LRRC7: variants seen among roughly 807,000 people sequenced by gnomAD.
LRRC7 encodes leucine rich repeat containing 7.
A neutral mutation model predicts 175.7 loss-of-function variants in LRRC7; 23 were observed. The ratio of observed to expected loss-of-function variants is 0.13; its 90% CI spans 0.09 to 0.19. The LOEUF is 0.19. Ranked by LOEUF, LRRC7 falls within the 10% of genes least tolerant of loss-of-function variation. The probability of loss-of-function intolerance (pLI) is 1.00; values close to 1 mark genes in which losing one functional copy is unlikely to be tolerated. For synonymous variants in LRRC7, 685 were observed against 680.9 expected (o/e 1.01, Z -0.09); for missense variants, 1,354 against 1,904.7 (o/e 0.71, Z 5.38).
chr1:70,068,682 G>A (rs1662156499), intron 23 of LRRC7, among the ~76,000 whole-genome samples: 1 of 151,782 alleles, frequency 6.6e-6, no homozygotes. Flanking sequence ...TCTCTCTTCT[G>A]TTTTCTGAAA....
At chr1:69,977,345 T>C (rs1652922468) in intron 8 of LRRC7, among the ~76,000 whole-genome samples, 2 of 152,230 alleles carry the variant, frequency 1.3e-5, no homozygotes, top group African/African-American at 4.8e-5. Flanking sequence ...CCGTCACTTA[T>C]GCAACAAAGT....
At chr1:69,914,369 A>C (rs1913275) in intron 7 of LRRC7, among the ~76,000 whole-genome samples, 54,870 of 152,066 alleles carry the variant, frequency 0.36, 12,129 homozygotes, top group East Asian at 0.55. Context: ...CAGATGTACC[A>C]AAATATTGCA....
chr1:69,794,999 T>C (rs2101070734), intron 4 of LRRC7, among the ~76,000 whole-genome samples: 1 of 152,306 alleles, frequency 6.6e-6, no homozygotes, highest in East Asian at 1.9e-4. Flanking sequence ...TACTATAGGC[T>C]TGATGAGTAT....
At chr1:69,659,627 G>A (rs941849947) in intron 1 of LRRC7, among the ~76,000 whole-genome samples, 16 of 151,662 alleles carry the variant, frequency 1.1e-4, no homozygotes, top group African/African-American at 3.9e-4. Flanking sequence ...TTCTCATCTA[G>A]CAAAGACATT....
intron 2 of LRRC7, among the ~76,000 whole-genome samples, chr1:69,729,870 T>C (rs1441665268): frequency 6.6e-6 from 1 of 152,240 alleles, no homozygotes; most frequent in Non-Finnish European, 1.5e-5. Flanking sequence ...ATGAGGGCTC[T>C]GCCCCTGCAG....
Position 69,622,390 on chromosome 1 carries a change from T to C in LRRC7, c.2+53749T>C, listed in dbSNP as rs186823461. On this transcript the variant is annotated intron_variant, in intron 1 of 26. Transcript: ENST00000651989. ...TCAGACCATTTCCTACATGCTAATC[T>C]ATTGAGAAAAGTCATGAAAAGATGA... 4.5e-3 allele frequency among the ~76,000 whole-genome samples: 687 copies of C among 152,320 alleles called. 4 individuals are homozygous for C. Among genetic ancestry groups the C allele is most frequent in the Non-Finnish European group, 7.9e-3 (537 of 68,030 alleles).
At chr1:69,987,557 A>G (rs12026558) in intron 10 of LRRC7, among the ~76,000 whole-genome samples, 25,790 of 152,148 alleles carry the variant, frequency 0.17, 3,617 homozygotes, top group African/African-American at 0.39. Context: ...GACTTGCCAT[A>G]GTTTTCCACA....
At chr1:69,731,024 G>A (rs932291358) in intron 2 of LRRC7, among the ~76,000 whole-genome samples, 23 of 152,008 alleles carry the variant, frequency 1.5e-4, no homozygotes, top group African/African-American at 4.3e-4. Context: ...GATCTCGGCC[G>A]GGTGCAGTGG....
intron 2 of LRRC7, among the ~76,000 whole-genome samples, chr1:69,692,909 A>G (rs961836315): frequency 1.3e-5 from 2 of 152,132 alleles, no homozygotes; most frequent in Admixed American, 6.5e-5. Flanking sequence ...AGCCCTCCCT[A>G]ATGTGGGTGG....
At chr1:70,094,544 A>G (rs1017250315) in intron 25 of LRRC7, among the ~76,000 whole-genome samples, 2 of 152,200 alleles carry the variant, frequency 1.3e-5, no homozygotes, top group South Asian at 2.1e-4. Flanking sequence ...AATTATTTAC[A>G]TTACATTTAA....
At chr1:69,811,170 A>C (rs1307311442) in intron 4 of LRRC7, among the ~76,000 whole-genome samples, 3 of 152,154 alleles carry the variant, frequency 2.0e-5, no homozygotes, top group African/African-American at 7.2e-5. Context: ...TATGAAAAAA[A>C]GCTCATCATC....
At chr1:69,852,765 TC>T (rs976797758) in intron 7 of LRRC7, among the ~76,000 whole-genome samples, 6 of 152,182 alleles carry the variant, frequency 3.9e-5, no homozygotes, top group African/African-American at 1.4e-4. Flanking sequence ...AGGTGATGTT[TC>T]CTTATAGGAA....
chr1:69,931,655 C>T (rs1227929450), intron 8 of LRRC7, 85 bp downstream of exon 8: 1 of 1,054,406 alleles, frequency 9.5e-7, no homozygotes, highest in Non-Finnish European at 1.4e-6. Flanking sequence ...AAGGTATTAA[C>T]TTGATTGCAC....
In LRRC7 at chr1:69,757,696, T is replaced by C. The variant is rs369660779; in HGVS notation, c.101-2495T>C. 3.9e-4 allele frequency among the ~76,000 whole-genome samples: 59 copies of C among 152,064 alleles called. No individual in the cohort carries two copies. In the East Asian group the frequency reaches 5.8e-3, roughly 15 times the overall value. On this transcript the variant is annotated intron_variant, in intron 2 of 26. Coordinates refer to ENST00000651989, the MANE Select transcript of LRRC7 (RefSeq NM_001370785.2). ...TCCTCTTAGTTCATAATTTAAAATG[T>C]GCAATGATAGCAACACAGACATCAA...
At position 69,703,669 on chromosome 1, in the gene LRRC7, G is replaced by A. The variant is rs12074457; in HGVS notation, c.100+25191G>A. 9.1e-3 allele frequency among the ~76,000 whole-genome samples: 1,384 copies of A among 152,026 alleles called. 25 individuals carry two copies. The highest frequency in any genetic ancestry group is 0.032 in the African/African-American group (1,338 of 41,534). On this transcript the variant is annotated intron_variant, in intron 2 of 26. Transcript: ENST00000651989. ...AAATTAGGAAACCTTCAACAGTTAC[G>A]TAATTGTTGCTTCAAACTCATAAGT...
chr1:69,602,513 A>G (rs145479516), intron 1 of LRRC7, among the ~76,000 whole-genome samples: 2 of 147,322 alleles, frequency 1.4e-5, no homozygotes, highest in Non-Finnish European at 2.9e-5. Context: ...TTTTAAAAGT[A>G]TTGGTGTTTA....
intron 1 of LRRC7, among the ~76,000 whole-genome samples, chr1:69,674,788 AT>A (rs1274830487): frequency 1.3e-5 from 2 of 151,884 alleles, no homozygotes; most frequent in Non-Finnish European, 2.9e-5. Flanking sequence ...TTCTAAGCTA[AT>A]TTTTTTTCCT....
chr1:69,985,679 T>A (rs1260606968), intron 9 of LRRC7, among the ~76,000 whole-genome samples: 1 of 152,220 alleles, frequency 6.6e-6, no homozygotes, highest in Non-Finnish European at 1.5e-5. Context: ...CTCAACTTTC[T>A]ATCTCTATGG....
chr1:69,966,694 C>T (rs1163561315), intron 8 of LRRC7, among the ~76,000 whole-genome samples: 1 of 152,188 alleles, frequency 6.6e-6, no homozygotes, highest in Non-Finnish European at 1.5e-5. Flanking sequence ...TTGTCCGCCC[C>T]GAGCACATAT....
Sources: allele counts gnomAD v4.1 joint callset (sites outside exome capture counted in the v4.1 genomes callset), GRCh38; gene constraint gnomAD v4.1.1; transcripts MANE v1.5; gene names NCBI Gene and HGNC (gene_info 2026-07-23, HGNC 2026-07-21).